ZNF521: variants seen among roughly 807,000 people sequenced by gnomAD.
ZNF521 encodes LYST-interacting protein 3.
ZNF521 carries 14 observed loss-of-function variants against 105.5 expected under a neutral mutation model. The ratio of observed to expected loss-of-function variants is 0.13; its 90% CI spans 0.09 to 0.21. The LOEUF (loss-of-function observed/expected upper bound fraction) is 0.21. ZNF521 is among the 10% of genes least tolerant of loss of function. The pLI, the probability that ZNF521 is intolerant of heterozygous loss-of-function variation, is 1.00. For synonymous variants in ZNF521, 635 were observed against 606.0 expected, an observed-to-expected ratio of 1.05 and a Z score of -0.70; for missense variants, 1,233 against 1,629.7, an observed-to-expected ratio of 0.76 and a Z score of 4.19.
chr18:25,244,538 C>T, intron 3 of ZNF521, among the ~76,000 whole-genome samples: 1 of 152,156 alleles, frequency 6.6e-6, no homozygotes, highest in East Asian at 1.9e-4. Context: ...AAAAGGGACC[C>T]AGAGTCTTTG....
At chr18:25,337,091 T>C (rs1256505118) in intron 2 of ZNF521, among the ~76,000 whole-genome samples, 1 of 152,194 alleles carries the variant, frequency 6.6e-6, no homozygotes, top group Admixed American at 6.5e-5. Context: ...CACTACACTA[T>C]ACTTCCCCCA....
At chr18:25,135,766 T>C (rs2034723161) in intron 5 of ZNF521, among the ~76,000 whole-genome samples, 1 of 152,010 alleles carries the variant, frequency 6.6e-6, no homozygotes, top group African/African-American at 2.4e-5. Flanking sequence ...ACATTTCCTG[T>C]TTCTTAGGAG....
intron 2 of ZNF521, among the ~76,000 whole-genome samples, chr18:25,327,060 G>C (rs1197023692): frequency 6.6e-6 from 1 of 151,994 alleles, no homozygotes; most frequent in Non-Finnish European, 1.5e-5. Context: ...ATGACCTCCA[G>C]GATCTCAGTA....
chr18:25,257,036 G>T (rs1201451141), intron 3 of ZNF521, among the ~76,000 whole-genome samples: 1 of 152,092 alleles, frequency 6.6e-6, no homozygotes, highest in Non-Finnish European at 1.5e-5. Context: ...GAAAAGTCTA[G>T]CAGGAAATGA....
chr18:25,082,774 G>A (rs55676310), intron 7 of ZNF521: 9,470 of 281,446 alleles, frequency 0.034, 303 homozygotes, highest in Middle Eastern at 0.11. Flanking sequence ...CCTAGGAGGC[G>A]GAGGTTGCAG....
intron 3 of ZNF521, among the ~76,000 whole-genome samples, chr18:25,278,483 G>A (rs1910174750): frequency 6.6e-6 from 1 of 152,144 alleles, no homozygotes; most frequent in South Asian, 2.1e-4. Context: ...TCCACTAGCT[G>A]TGCCCATGCC....
chr18:25,148,381 G>T (rs2034985192), intron 5 of ZNF521, among the ~76,000 whole-genome samples: 1 of 152,124 alleles, frequency 6.6e-6, no homozygotes, highest in Admixed American at 6.6e-5. Flanking sequence ...AAAGTTTTTG[G>T]TCACTATGTA....
intron 3 of ZNF521, among the ~76,000 whole-genome samples, chr18:25,304,916 G>T (rs945308168): frequency 6.6e-6 from 1 of 152,162 alleles, no homozygotes; most frequent in Non-Finnish European, 1.5e-5. Flanking sequence ...TAAGATTGTA[G>T]GCAATAGGTT....
At chr18:25,097,140 C>A (rs2033868481) in intron 5 of ZNF521, among the ~76,000 whole-genome samples, 1 of 152,124 alleles carries the variant, frequency 6.6e-6, no homozygotes, top group Non-Finnish European at 1.5e-5. Flanking sequence ...AAAACTCACC[C>A]CTCGGCTACA....
At chr18:25,109,365 A>AT (rs2034138776) in intron 5 of ZNF521, among the ~76,000 whole-genome samples, 1 of 152,166 alleles carries the variant, frequency 6.6e-6, no homozygotes, top group Non-Finnish European at 1.5e-5. Flanking sequence ...ATTGATGGGC[A>AT]TTTAGGTTGA....
intron 3 of ZNF521, among the ~76,000 whole-genome samples, chr18:25,254,243 A>G (rs1908320418): frequency 6.6e-6 from 1 of 152,142 alleles, no homozygotes; most frequent in Admixed American, 6.5e-5. Flanking sequence ...GAAGCAAGGT[A>G]AATGCATACA....
intron 5 of ZNF521, among the ~76,000 whole-genome samples, chr18:25,134,424 A>G (rs932794751): frequency 1.1e-4 from 17 of 152,158 alleles, no homozygotes; most frequent in African/African-American, 3.4e-4. Flanking sequence ...ACACAAATCA[A>G]TGGTGTATTG....
intron 5 of ZNF521, among the ~76,000 whole-genome samples, chr18:25,157,026 C>T (rs2035158138): frequency 6.6e-6 from 1 of 152,152 alleles, no homozygotes. Context: ...TGACGAAAAC[C>T]TGTCTCTACT....
chr18:25,147,858 C>G (rs977607708), intron 5 of ZNF521, among the ~76,000 whole-genome samples: 23 of 152,132 alleles, frequency 1.5e-4, no homozygotes, highest in African/African-American at 5.5e-4. Context: ...TTTAACTGAT[C>G]TTTTTATTGC....
intron 5 of ZNF521, among the ~76,000 whole-genome samples, chr18:25,167,963 A>T (rs976322618): frequency 6.6e-6 from 1 of 152,222 alleles, no homozygotes; most frequent in Non-Finnish European, 1.5e-5. Flanking sequence ...CACTCGCATA[A>T]AAGAGGGTAT....
chr18:25,212,551 ATATATATATATATATG>A (rs2036210550), intron 4 of ZNF521, among the ~76,000 whole-genome samples: 1 of 118,310 alleles, frequency 8.5e-6, no homozygotes, highest in African/African-American at 3.6e-5. Context: ...ATATATATAT[ATATATATATATATATG>A]TATAGAAACA....
At chr18:25,334,100 C>A in intron 2 of ZNF521, among the ~76,000 whole-genome samples, 1 of 152,190 alleles carries the variant, frequency 6.6e-6, no homozygotes. Context: ...TAAAATATCT[C>A]CCAGATCAGC....
At chr18:25,162,151 G>T (rs1336179801) in intron 5 of ZNF521, among the ~76,000 whole-genome samples, 1 of 152,112 alleles carries the variant, frequency 6.6e-6, no homozygotes, top group Non-Finnish European at 1.5e-5. Flanking sequence ...AGAGAACAAT[G>T]ACTGTGTTCC....
intron 4 of ZNF521, among the ~76,000 whole-genome samples, chr18:25,216,597 T>C (rs1357824966): frequency 6.6e-6 from 1 of 152,190 alleles, no homozygotes; most frequent in African/African-American, 2.4e-5. Context: ...CTCACTCTGT[T>C]GCCCAGGCTG....
Sources: gnomAD v4.1 joint callset for allele counts (sites outside exome capture counted in the v4.1 genomes callset) on GRCh38, gnomAD v4.1.1 for gene constraint, MANE v1.5 for transcripts, NCBI Gene and HGNC (gene_info 2026-07-23, HGNC 2026-07-21) for gene names.